The following RYR2 variants were observed in gnomAD, a reference collection of about 807,000 sequenced individuals.
The protein encoded by RYR2 is cardiac muscle ryanodine receptor-calcium release channel.
A neutral mutation model predicts 601.1 loss-of-function variants in RYR2; 227 were observed. The observed-to-expected ratio is 0.38, with a 90% CI of 0.34 to 0.42. RYR2 has a LOEUF of 0.42. Ranked by LOEUF, RYR2 falls within the 10% of genes least tolerant of loss-of-function variation. RYR2 has a pLI of 1.00. For missense variants in RYR2, 4,646 were observed against 6,156.5 expected, an observed-to-expected ratio of 0.75 and a Z score of 8.21; for synonymous variants, 2,223 against 2,175.1, an observed-to-expected ratio of 1.02 and a Z score of -0.61.
rs182054033 is a variant in RYR2 at position 237,460,894 on chromosome 1, T to C, written c.1612+4159T>C. On this transcript the variant is annotated intron_variant, in intron 16 of 104. Transcript: ENST00000366574. ...TCGCATATTGTTGTTCTTCTTATCA[T>C]TATTCCCATTTCTTTTGGATGTTTG... Among the ~76,000 whole-genome samples the C allele has an allele frequency of 2.5e-3, 375 of 152,334 alleles. 4 individuals carry two copies. Among genetic ancestry groups the C allele is most frequent in the African/African-American group, 8.6e-3 (358 of 41,582 alleles).
At chr1:237,254,178 A>G (rs1393457652) in intron 1 of RYR2, among the ~76,000 whole-genome samples, 1 of 151,714 alleles carries the variant, frequency 6.6e-6, no homozygotes, top group Non-Finnish European at 1.5e-5. Flanking sequence ...CTATGATGGT[A>G]TACTAAATAT....
intron 34 of RYR2, among the ~76,000 whole-genome samples, chr1:237,597,219 G>T (rs545654814): frequency 6.6e-6 from 1 of 151,844 alleles, no homozygotes; most frequent in South Asian, 2.1e-4. Flanking sequence ...AGTTGTTAAG[G>T]AACATACAAT....
intron 69 of RYR2, 126 bp from the exon 70 acceptor site, chr1:237,709,354 C>A: frequency 1.4e-6 from 1 of 719,378 alleles, no homozygotes. Flanking sequence ...TTAAATATTA[C>A]AACACTGTGC....
In RYR2 at chr1:237,783,872, A is replaced by C. The variant is rs376781046; in HGVS notation, c.12160A>C (p.Ser4054Arg). The change falls in exon 90 of 105, where the codon AGC becomes CGC. Residue 4054 changes from serine to arginine, a missense_variant. Physicochemically the swap from Ser to Arg is moderately radical, Grantham distance 110. This residue lies in a region of RYR2 where 66 missense variants were observed against 80.7 expected (regional missense o/e 0.82). Transcript: ENST00000366574. ...GAGGGACTTCCACAAAGCGATGGAG[A>C]GCCATAAGCACTACACGCAGTCAGA... ...SKRDFHKAMESHKHYTQSETE... is the reference protein window; with the variant it reads ...SKRDFHKAMERHKHYTQSETE... The C allele has an allele frequency of 6.2e-7, 1 of 1,613,826 alleles. No individual in the cohort carries two copies. The highest frequency in any genetic ancestry group is 1.1e-5 in the South Asian group (1 of 91,024).
Position 237,676,564 on chromosome 1 carries a change from A to T in RYR2, c.8831-1484A>T, listed in dbSNP as rs528403402. ...TGGCCAGGGCAAATTAGGTACAAGAACTCTGTTAGAGGAGCAGATAGAGCT... is the reference window on the plus strand; with the variant it reads ...TGGCCAGGGCAAATTAGGTACAAGATCTCTGTTAGAGGAGCAGATAGAGCT... On this transcript the variant is annotated intron_variant, in intron 60 of 104. Transcript: ENST00000366574. 4.6e-5 allele frequency among the ~76,000 whole-genome samples: 7 copies of T among 152,280 alleles called. No homozygotes were observed. In the South Asian group the frequency reaches 8.3e-4, roughly 18 times the overall value.
At chr1:237,081,278 A>AGT (rs1260766349) in intron 1 of RYR2, among the ~76,000 whole-genome samples, 2 of 64,146 alleles carry the variant, frequency 3.1e-5, no homozygotes, top group African/African-American at 8.8e-5. Flanking sequence ...CTTAGAGTAT[A>AGT]ATAAAAAAAA....
At chr1:237,612,210 T>G (rs537921971) in intron 36 of RYR2, among the ~76,000 whole-genome samples, 1 of 152,254 alleles carries the variant, frequency 6.6e-6, no homozygotes, top group Non-Finnish European at 1.5e-5. Flanking sequence ...GGGATTTTAT[T>G]TAATTGAAAA....
intron 8 of RYR2, among the ~76,000 whole-genome samples, chr1:237,378,052 G>GT (rs1246973334): frequency 3.3e-5 from 5 of 152,198 alleles, no homozygotes; most frequent in African/African-American, 1.2e-4. Context: ...AAAGAAAGAG[G>GT]TTTGTTGGAC....
chr1:237,622,053 A>C (rs1679130304), intron 38 of RYR2, among the ~76,000 whole-genome samples: 1 of 152,200 alleles, frequency 6.6e-6, no homozygotes, highest in Admixed American at 6.5e-5. Flanking sequence ...GCGTACTTGA[A>C]GTCTCTCTGT....
chr1:237,067,148 T>C (rs75517370), intron 1 of RYR2, among the ~76,000 whole-genome samples: 14 of 151,710 alleles, frequency 9.2e-5, no homozygotes, highest in African/African-American at 3.4e-4. Context: ...TTTTTAATTT[T>C]GATGAAGTAA....
chr1:237,409,041 T>A (rs1344574059), intron 10 of RYR2, among the ~76,000 whole-genome samples: 1 of 152,158 alleles, frequency 6.6e-6, no homozygotes, highest in Non-Finnish European at 1.5e-5. Flanking sequence ...AATTGTCTAT[T>A]AGTTTCAGGA....
At chr1:237,146,317 A>AGAT (rs1285479308) in intron 1 of RYR2, among the ~76,000 whole-genome samples, 3 of 152,190 alleles carry the variant, frequency 2.0e-5, no homozygotes, top group African/African-American at 7.2e-5. Context: ...CTCTAAGTCA[A>AGAT]CTATCTAATG....
chr1:237,337,251 C>CAAA (rs1402777135), intron 3 of RYR2, among the ~76,000 whole-genome samples: 83 of 65,402 alleles, frequency 1.3e-3, no homozygotes, highest in African/African-American at 3.5e-3. Context: ...GTATCCATCT[C>CAAA]AAAAAAAAAA....
intron 35 of RYR2, 132 bp downstream of exon 35, chr1:237,602,243 C>A: frequency 1.6e-6 from 1 of 625,910 alleles, no homozygotes; most frequent in East Asian, 3.2e-5. Flanking sequence ...GAAAAGATAG[C>A]CATGCTTGAA....
Position 237,475,705 on chromosome 1 carries a change from T to C in RYR2, c.1708+6518T>C, listed in dbSNP as rs533523221. Among the ~76,000 whole-genome samples, 3 of 152,338 alleles carry C rather than the reference T, an allele frequency of 2.0e-5. No homozygotes were observed. The East Asian group carries it at 5.8e-4, about 29-fold the overall frequency. ...GATGTATGTATATAATATAGGATGA[T>C]TAAATCAAGCTAATTAAATATCCAT... is the stretch of plus-strand genomic sequence containing the variant. On this transcript the variant is annotated intron_variant, in intron 17 of 104. Coordinates refer to ENST00000366574, the MANE Select transcript of RYR2 (RefSeq NM_001035.3).
intron 10 of RYR2, among the ~76,000 whole-genome samples, chr1:237,406,780 G>C (rs55966904): frequency 0.16 from 24,166 of 152,062 alleles, 2,867 homozygotes; most frequent in African/African-American, 0.34. Flanking sequence ...AGAGAATTCT[G>C]CCTCACCAGT....
intron 32 of RYR2, 49 bp from the exon 33 acceptor site, chr1:237,593,427 G>T: frequency 6.5e-7 from 1 of 1,540,264 alleles, no homozygotes; most frequent in Non-Finnish European, 8.8e-7. Flanking sequence ...TCCAAGTTTT[G>T]TTTTGTTTAG....
At chr1:237,317,059 T>C (rs867261499) in intron 2 of RYR2, among the ~76,000 whole-genome samples, 50 of 152,214 alleles carry the variant, frequency 3.3e-4, no homozygotes, top group African/African-American at 1.1e-3. Flanking sequence ...AGGCTGATGA[T>C]TGTGCTTCAA....
intron 74 of RYR2, among the ~76,000 whole-genome samples, chr1:237,724,554 G>A (rs138314591): frequency 0.011 from 1,594 of 151,624 alleles, 16 homozygotes; most frequent in Middle Eastern, 0.021. Flanking sequence ...ATATATTTAC[G>A]TTATCTAATA....
Sources: gnomAD v4.1 joint callset for allele counts (sites outside exome capture counted in the v4.1 genomes callset) on GRCh38, gnomAD v4.1.1 for gene constraint, gnomAD v4.1.1 regional missense constraint, MANE v1.5 for transcripts, NCBI Gene and HGNC (gene_info 2026-07-23, HGNC 2026-07-21) for gene names.